GFPT1: variants seen among roughly 807,000 people sequenced by gnomAD.
GFPT1 encodes glutamine--fructose-6-phosphate aminotransferase [isomerizing] 1.
A neutral mutation model predicts 92.0 loss-of-function variants in GFPT1; 40 were observed. The observed-to-expected ratio is 0.43, with a 90% CI of 0.34 to 0.57. GFPT1 has a LOEUF of 0.57. Among genes scored for constraint, GFPT1 ranks in the 20% least tolerant of loss-of-function variants. GFPT1 has a pLI of 0.02. For synonymous variants in GFPT1, 269 were observed against 280.6 expected, an observed-to-expected ratio of 0.96 and a Z score of 0.41; for missense variants, 448 against 869.1, an observed-to-expected ratio of 0.52 and a Z score of 6.09.
intron 11 of GFPT1, among the ~76,000 whole-genome samples, chr2:69,347,539 G>T (rs1052441862): frequency 1.3e-5 from 2 of 150,096 alleles, no homozygotes; most frequent in African/African-American, 4.9e-5. Context: ...GTGCAATGGC[G>T]CAATCTCGGC....
At chr2:69,382,087 C>T (rs959945717) in intron 1 of GFPT1, among the ~76,000 whole-genome samples, 4 of 152,036 alleles carry the variant, frequency 2.6e-5, no homozygotes, top group African/African-American at 9.7e-5. Flanking sequence ...TGGTCTCAAA[C>T]TCCTGACCTC....
chr2:69,326,913 C>A lies in GFPT1; in HGVS notation c.2055+1G>T, dbSNP rs868258818. 6.2e-7 allele frequency: 1 copy of A among 1,613,914 alleles called. No individual in the cohort carries two copies. The highest frequency in any genetic ancestry group is 8.5e-7 in the Non-Finnish European group (1 of 1,179,898). ...GATTTCTGCAGTGGTAGATGACTTA[C>A]ATCATAGCCTCTCAGCACAGCAAGG... On this transcript the variant is annotated splice_donor_variant, in intron 19 of 19. Transcript: ENST00000357308. LOFTEE classifies it high-confidence loss of function.
chr2:69,382,952 C>A (rs1209637342), intron 1 of GFPT1, among the ~76,000 whole-genome samples: 2 of 152,206 alleles, frequency 1.3e-5, no homozygotes, highest in African/African-American at 4.8e-5. Flanking sequence ...CATTCATTTT[C>A]TTTCCTCTGA....
chr2:69,382,888 A>G (rs999850432), intron 1 of GFPT1, among the ~76,000 whole-genome samples: 1 of 152,202 alleles, frequency 6.6e-6, no homozygotes. Context: ...CTTGTGGTCT[A>G]TGACATGGCA....
In GFPT1 at chr2:69,345,948, A is replaced by C; in HGVS notation, c.1061T>G (p.Val354Gly). 2 of 1,607,362 alleles carry C rather than the reference A, an allele frequency of 1.2e-6. No individual in the cohort carries two copies. The highest frequency in any genetic ancestry group is 1.7e-4 in the Middle Eastern group (1 of 6,046). ...GACTCTTCCTCTCATTGTGTTCACG[A>C]CAGACTCTGGCTGCTCAAATATTTC... ...QKEIFEQPES[V>G]VNTMRGRVNF... The change falls in exon 12 of 20, where the codon GTC becomes GGC. Residue 354 changes from valine (V) to glycine (G), a missense_variant. Physicochemically the swap from Val to Gly is moderately radical, Grantham distance 109. This residue lies in a region of GFPT1 where 121 missense variants were observed against 304.3 expected (regional missense o/e 0.40). Transcript: ENST00000357308.
intron 15 of GFPT1, among the ~76,000 whole-genome samples, chr2:69,331,841 A>G (rs1419953113): frequency 1.3e-5 from 2 of 152,134 alleles, no homozygotes; most frequent in Non-Finnish European, 2.9e-5. Flanking sequence ...TCTGTGAATA[A>G]AACGTATTCA....
intron 2 of GFPT1, among the ~76,000 whole-genome samples, chr2:69,371,780 T>C (rs1406874864): frequency 6.6e-6 from 1 of 151,538 alleles, no homozygotes; most frequent in African/African-American, 2.4e-5. Context: ...GAGCTTGCAG[T>C]GAGCTGAGAT....
intron 6 of GFPT1, among the ~76,000 whole-genome samples, chr2:69,357,053 C>T (rs1261091312): frequency 6.6e-6 from 1 of 152,056 alleles, no homozygotes; most frequent in Non-Finnish European, 1.5e-5. Context: ...TTTAACCAAG[C>T]CTACACCCAA....
At chr2:69,370,197 A>G (rs1671710997) in intron 2 of GFPT1, 89 bp from the exon 3 acceptor site, 5 of 791,618 alleles carry the variant, frequency 6.3e-6, no homozygotes, top group Non-Finnish European at 9.1e-6. Flanking sequence ...ATTAAAAAAT[A>G]CATTCTCATC....
intron 3 of GFPT1, 107 bp downstream of exon 3, chr2:69,369,894 T>C: frequency 1.3e-6 from 1 of 760,846 alleles, no homozygotes; most frequent in East Asian, 2.5e-5. Flanking sequence ...ACCATTATCA[T>C]TAAAATTGGT....
At chr2:69,367,825 A>T (rs911653392) in intron 3 of GFPT1, among the ~76,000 whole-genome samples, 1 of 152,228 alleles carries the variant, frequency 6.6e-6, no homozygotes, top group Non-Finnish European at 1.5e-5. Flanking sequence ...GGCATTTCCC[A>T]TGTAGATATG....
chr2:69,326,471 A>C (rs1670535086), intron 19 of GFPT1, among the ~76,000 whole-genome samples: 1 of 152,228 alleles, frequency 6.6e-6, no homozygotes, highest in African/African-American at 2.4e-5. Context: ...ACACAGAAAG[A>C]GCTACTGTGG....
intron 14 of GFPT1, 134 bp downstream of exon 14, chr2:69,338,311 C>A: frequency 1.2e-6 from 1 of 821,136 alleles, no homozygotes; most frequent in Non-Finnish European, 2.0e-6. Context: ...AATTATGTAA[C>A]ATTAAAATAA....
At chr2:69,358,828 GA>G (rs1226878305) in intron 5 of GFPT1, among the ~76,000 whole-genome samples, 1 of 152,170 alleles carries the variant, frequency 6.6e-6, no homozygotes, top group African/African-American at 2.4e-5. Context: ...CAACACTGGA[GA>G]AAGTTCAATT....
intron 13 of GFPT1, among the ~76,000 whole-genome samples, chr2:69,340,906 T>C (rs1479681044): frequency 1.3e-5 from 2 of 152,178 alleles, no homozygotes; most frequent in Non-Finnish European, 2.9e-5. Flanking sequence ...GCTCATTCAG[T>C]AATAGATCTA....
chr2:69,365,102 A>G (rs1388878409), intron 3 of GFPT1, among the ~76,000 whole-genome samples: 1 of 151,896 alleles, frequency 6.6e-6, no homozygotes, highest in East Asian at 1.9e-4. Context: ...GTTATTAACT[A>G]GTAATGCTCT....
chr2:69,338,802 C>CTTTTTTTTTT (rs58220809), intron 13 of GFPT1, among the ~76,000 whole-genome samples: 1 of 131,798 alleles, frequency 7.6e-6, no homozygotes, highest in Admixed American at 8.0e-5. Flanking sequence ...GTATACATTC[C>CTTTTTTTTTT]TTTTTTTTTT....
intron 14 of GFPT1, 124 bp from the exon 15 acceptor site, chr2:69,338,179 TC>T: frequency 1.1e-6 from 1 of 908,602 alleles, no homozygotes; most frequent in Non-Finnish European, 1.8e-6. Flanking sequence ...ATACAAAACA[TC>T]CACTTAATAA....
Position 69,329,731 on chromosome 2 carries a change from A to T in GFPT1, c.1550T>A (p.Met517Lys). ...ALMMCDDRIS[M>K]QERRKEIMLG... is the part of the protein sequence containing the mutation. Reference sequence around the variant, plus strand: ...CATGATCTCTTTGCGTCTTTCTTGCATGGAGATCCGATCATCACACATCAT... The same window carrying T: ...CATGATCTCTTTGCGTCTTTCTTGCTTGGAGATCCGATCATCACACATCAT... The change falls in exon 16 of 20, where the codon ATG becomes AAG. Residue 517 changes from methionine to lysine, a missense_variant. Met to Lys is a moderately conservative substitution (Grantham distance 95). This residue lies in a region of GFPT1 where 73 missense variants were observed against 103.5 expected (regional missense o/e 0.71). Coordinates refer to ENST00000357308, the MANE Select transcript of GFPT1 (RefSeq NM_001244710.2). 3 of 1,613,682 alleles carry T rather than the reference A, an allele frequency of 1.9e-6. No homozygotes were observed. The highest frequency in any genetic ancestry group is 2.5e-6 in the Non-Finnish European group (3 of 1,179,600).
Sources: gnomAD v4.1 joint callset for allele counts (sites outside exome capture counted in the v4.1 genomes callset) on GRCh38, gnomAD v4.1.1 for gene constraint, gnomAD v4.1.1 regional missense constraint, MANE v1.5 for transcripts, NCBI Gene and HGNC (gene_info 2026-07-23, HGNC 2026-07-21) for gene names.